Variants in DAB1 observed in about 807,000 individuals in gnomAD.
DAB1 encodes disabled homolog 1.
A neutral mutation model predicts 64.6 loss-of-function variants in DAB1; 15 were observed. The ratio of observed to expected loss-of-function variants is 0.23; its 90% CI spans 0.16 to 0.36. The LOEUF is 0.36. Among genes scored for constraint, DAB1 ranks in the 10% least tolerant of loss-of-function variants. DAB1 has a pLI of 1.00. For missense variants in DAB1, 596 were observed against 706.7 expected, an observed-to-expected ratio of 0.84 and a Z score of 1.78; for synonymous variants, 235 against 251.9, an observed-to-expected ratio of 0.93 and a Z score of 0.64.
intron 5 of DAB1, among the ~76,000 whole-genome samples, chr1:57,913,245 G>T (rs1644675130): frequency 6.6e-6 from 1 of 151,958 alleles, no homozygotes; most frequent in Non-Finnish European, 1.5e-5. Context: ...CCAAAACACA[G>T]ATATAGACCA....
intron 2 of DAB1, among the ~76,000 whole-genome samples, chr1:57,248,255 G>GT (rs370647392): frequency 1.2e-4 from 18 of 149,624 alleles, no homozygotes; most frequent in South Asian, 2.1e-4. Flanking sequence ...TATTTTTATT[G>GT]TTTTTTTTAA....
At chr1:57,387,485 CA>C (rs1681969138) in intron 1 of DAB1, 1 of 151,562 alleles carries the variant, frequency 6.6e-6, no homozygotes, top group East Asian at 1.9e-4. Context: ...TATATGTACA[CA>C]CACACACACA....
At chr1:58,166,013 G>A (rs915806019) in intron 4 of DAB1, among the ~76,000 whole-genome samples, 3 of 152,282 alleles carry the variant, frequency 2.0e-5, no homozygotes, top group Non-Finnish European at 2.9e-5. Context: ...GTAAGTAAGT[G>A]GAAAGACCAG....
chr1:57,965,187 T>C (rs1645633247), intron 5 of DAB1, among the ~76,000 whole-genome samples: 1 of 150,876 alleles, frequency 6.6e-6, no homozygotes, highest in Admixed American at 6.7e-5. Context: ...CAAAGTCAGA[T>C]CGTAGAGAGT....
intron 5 of DAB1, among the ~76,000 whole-genome samples, chr1:58,120,209 T>C (rs576668632): frequency 1.3e-5 from 2 of 152,022 alleles, no homozygotes; most frequent in South Asian, 4.2e-4. Context: ...TCCTAAAGAG[T>C]AGCAAGTAAT....
At chr1:58,374,096 T>A (rs1403173827) in intron 3 of DAB1, among the ~76,000 whole-genome samples, 1 of 60,380 alleles carries the variant, frequency 1.7e-5, no homozygotes, top group Admixed American at 2.2e-4. Flanking sequence ...GTCAGATGAG[T>A]AGGTTGCAAA....
chr1:58,018,719 T>A (rs1472395437), intron 5 of DAB1, among the ~76,000 whole-genome samples: 2 of 152,234 alleles, frequency 1.3e-5, no homozygotes, highest in African/African-American at 4.8e-5. Flanking sequence ...ATTGTTTTCA[T>A]AATCACTTCA....
chr1:57,591,473 G>A (rs1402119465), intron 7 of DAB1, among the ~76,000 whole-genome samples: 1 of 152,184 alleles, frequency 6.6e-6, no homozygotes, highest in East Asian at 1.9e-4. Flanking sequence ...CCAAATCAAT[G>A]TCATTTTAGG....
At chr1:57,916,666 G>T (rs1361295725) in intron 5 of DAB1, among the ~76,000 whole-genome samples, 1 of 152,238 alleles carries the variant, frequency 6.6e-6, no homozygotes, top group Non-Finnish European at 1.5e-5. Flanking sequence ...GGCCAGGCGT[G>T]GTGGCTCACG....
At chr1:58,311,899 T>C (rs61781884) in intron 4 of DAB1, among the ~76,000 whole-genome samples, 1 of 151,996 alleles carries the variant, frequency 6.6e-6, no homozygotes, top group Non-Finnish European at 1.5e-5. Flanking sequence ...GATGCTCTTA[T>C]TACACCCATT....
intron 5 of DAB1, among the ~76,000 whole-genome samples, chr1:58,055,854 G>T (rs1255749223): frequency 6.7e-6 from 1 of 149,512 alleles, no homozygotes; most frequent in Non-Finnish European, 1.5e-5. Context: ...CAAGTAACTG[G>T]AAACACAGGC....
intron 5 of DAB1, among the ~76,000 whole-genome samples, chr1:58,102,364 C>T (rs933263615): frequency 1.3e-5 from 2 of 152,140 alleles, no homozygotes; most frequent in Non-Finnish European, 2.9e-5. Context: ...AGCTGTACCC[C>T]GGAGAGCACT....
At chr1:57,764,270 T>C (rs1649212104) in intron 6 of DAB1, among the ~76,000 whole-genome samples, 1 of 152,200 alleles carries the variant, frequency 6.6e-6, no homozygotes, top group Non-Finnish European at 1.5e-5. Flanking sequence ...GTTTTGGTTT[T>C]AGTTTTTTCC....
At chr1:57,943,192 G>C (rs1645129112) in intron 5 of DAB1, among the ~76,000 whole-genome samples, 2 of 152,164 alleles carry the variant, frequency 1.3e-5, no homozygotes, top group South Asian at 4.1e-4. Flanking sequence ...AAAGCACTAA[G>C]TAAGAGCTGG....
At chr1:57,037,726 C>T (rs1031272437) in intron 9 of DAB1, among the ~76,000 whole-genome samples, 3 of 152,154 alleles carry the variant, frequency 2.0e-5, no homozygotes, top group Non-Finnish European at 4.4e-5. Context: ...CTCTTTATCA[C>T]CTTTACCCAA....
intron 3 of DAB1, among the ~76,000 whole-genome samples, chr1:58,420,947 C>G (rs1644765721): frequency 6.6e-6 from 1 of 152,180 alleles, no homozygotes; most frequent in Non-Finnish European, 1.5e-5. Flanking sequence ...TGCACCAGGC[C>G]TCATTTCCAT....
At chr1:57,645,881 A>G (rs900909582) in intron 7 of DAB1, among the ~76,000 whole-genome samples, 3 of 152,174 alleles carry the variant, frequency 2.0e-5, no homozygotes, top group African/African-American at 7.2e-5. Flanking sequence ...AAGTTTTTAC[A>G]CTTGGGGCCT....
chr1:58,030,853 T>C (rs1256325206), intron 5 of DAB1, among the ~76,000 whole-genome samples: 1 of 152,210 alleles, frequency 6.6e-6, no homozygotes, highest in Admixed American at 6.5e-5. Flanking sequence ...TTACTATACA[T>C]ACATATGACT....
intron 7 of DAB1, among the ~76,000 whole-genome samples, chr1:57,499,528 G>A (rs753876127): frequency 3.9e-5 from 6 of 152,126 alleles, no homozygotes; most frequent in Admixed American, 2.6e-4. Flanking sequence ...TCTGCCCACC[G>A]AAGTGACCCT....
Sources: allele counts gnomAD v4.1 joint callset (sites outside exome capture counted in the v4.1 genomes callset), GRCh38; gene constraint gnomAD v4.1.1; transcripts MANE v1.5; gene names NCBI Gene and HGNC (gene_info 2026-07-23, HGNC 2026-07-21).